Variants in IFT70B observed in about 807,000 individuals in gnomAD.
The protein encoded by IFT70B is intraflagellar transport protein 70B.
At chr2:177,551,655 G>A in the IFT70B span, 1 of 1,614,248 alleles carries the variant, frequency 6.2e-7, no homozygotes. Context: ...TTCAGGAGCT[G>A]TCTGGCAAGT....
chr2:177,551,976 T>G, the IFT70B span: 1 of 1,614,168 alleles, frequency 6.2e-7, no homozygotes, highest in East Asian at 2.2e-5. Context: ...GTTTCTCAGT[T>G]GGTATTCTAT....
At chr2:177,551,465 G>A in the IFT70B span, 1 of 1,614,158 alleles carries the variant, frequency 6.2e-7, no homozygotes, top group Non-Finnish European at 8.5e-7. Context: ...GATTCCAGTA[G>A]ATTTTTGCCT....
At chr2:177,552,483 A>C in the IFT70B span, 2 of 1,611,032 alleles carry the variant, frequency 1.2e-6, no homozygotes, top group Non-Finnish European at 8.5e-7. Context: ...CTCCGCATAA[A>C]GGCAGGCCTT....
At chr2:177,552,731 G>A in the IFT70B span, 4 of 1,584,532 alleles carry the variant, frequency 2.5e-6, no homozygotes, top group Non-Finnish European at 2.6e-6. Flanking sequence ...TGAACTCCCC[G>A]TCGGGGATCT....
chr2:177,550,938 A>C, the IFT70B span: 2 of 1,614,176 alleles, frequency 1.2e-6, no homozygotes, highest in Non-Finnish European at 1.7e-6. Context: ...ACATTCTTGA[A>C]TAACACTATC....
chr2:177,550,897 C>T, the IFT70B span: 15 of 1,614,072 alleles, frequency 9.3e-6, no homozygotes, highest in Non-Finnish European at 1.3e-5. Context: ...ATGTTTCTGC[C>T]ATGAAGTTCA....
chr2:177,549,074 A>T, the IFT70B span: 1 of 152,210 alleles, frequency 6.6e-6, no homozygotes, highest in African/African-American at 2.4e-5. Flanking sequence ...TTACTTTCCA[A>T]ATCTTAAGGG....
the IFT70B span, chr2:177,552,105 C>T: frequency 2.2e-5 from 35 of 1,614,092 alleles, no homozygotes; most frequent in Admixed American, 1.0e-4. Context: ...AGGGTGCTGG[C>T]GGATGCCACG....
At chr2:177,549,866 A>G in the IFT70B span, 24 of 152,194 alleles carry the variant, frequency 1.6e-4, no homozygotes, top group African/African-American at 5.3e-4. Flanking sequence ...CTAAATTGCA[A>G]ACACAAAGGT....
the IFT70B span, chr2:177,551,829 A>G: frequency 1.2e-6 from 2 of 1,614,268 alleles, no homozygotes; most frequent in Non-Finnish European, 1.7e-6. Flanking sequence ...CTGTTGGAGC[A>G]AAAACTGTAG....
chr2:177,549,683 T>C, the IFT70B span: 1 of 152,314 alleles, frequency 6.6e-6, no homozygotes, highest in African/African-American at 2.4e-5. Flanking sequence ...GAAAATAAAA[T>C]GCCTGATCAG....
the IFT70B span, chr2:177,552,611 T>C: frequency 1.3e-6 from 2 of 1,593,892 alleles, no homozygotes; most frequent in East Asian, 2.3e-5. Flanking sequence ...AGCAGTAGCC[T>C]AGCAGCGACA....
At chr2:177,550,084 A>G in the IFT70B span, 1 of 152,222 alleles carries the variant, frequency 6.6e-6, no homozygotes, top group Non-Finnish European at 1.5e-5. Flanking sequence ...GTTATCATGG[A>G]AAATAGTAAC....
chr2:177,552,219 T>G, the IFT70B span: 133 of 1,614,248 alleles, frequency 8.2e-5, no homozygotes, highest in South Asian at 1.4e-3. Flanking sequence ...GCCCGAGGCC[T>G]GCAGGGCGGC....
At chr2:177,552,045 C>T in the IFT70B span, 4 of 1,614,116 alleles carry the variant, frequency 2.5e-6, no homozygotes, top group East Asian at 2.2e-5. Flanking sequence ...TAAGGTGTTG[C>T]CAACACTGCG....
At chr2:177,550,840 C>T in the IFT70B span, 6 of 1,613,898 alleles carry the variant, frequency 3.7e-6, no homozygotes, top group Non-Finnish European at 5.1e-6. Flanking sequence ...GTATTCTTTC[C>T]AACATGCATT....
At chr2:177,551,824 G>A in the IFT70B span, 1 of 1,614,222 alleles carries the variant, frequency 6.2e-7, no homozygotes, top group Non-Finnish European at 8.5e-7. Context: ...GGATTCTGTT[G>A]GAGCAAAAAC....
the IFT70B span, chr2:177,552,464 C>G: frequency 6.2e-7 from 1 of 1,612,214 alleles, no homozygotes; most frequent in African/African-American, 1.3e-5. Context: ...GGAAGGCGAC[C>G]CGGGTGGCCT....
chr2:177,550,522 A>G, the IFT70B span: 1 of 357,910 alleles, frequency 2.8e-6, no homozygotes, highest in Non-Finnish European at 5.0e-6. Flanking sequence ...AAACAAACGT[A>G]TTACAACTTC....
Sources: allele counts gnomAD v4.1 joint callset, GRCh38; gene constraint gnomAD v4.1.1; transcripts MANE v1.5; gene names NCBI Gene and HGNC (gene_info 2026-07-23, HGNC 2026-07-21).